The following BPTF variants were observed in gnomAD, a reference collection of about 807,000 sequenced individuals.
BPTF encodes nucleosome-remodeling factor subunit BPTF.
In BPTF, 18 loss-of-function variants were observed where a neutral mutation model predicts 292.5. The ratio of observed to expected loss-of-function variants is 0.06; its 90% CI spans 0.04 to 0.09. BPTF has a LOEUF of 0.09. BPTF is among the 10% of genes least tolerant of loss of function. The pLI, the probability that BPTF is intolerant of heterozygous loss-of-function variation, is 1.00. For synonymous variants in BPTF, 1,225 were observed against 1,251.9 expected (o/e 0.98, Z 0.45); for missense variants, 2,726 against 3,498.7 (o/e 0.78, Z 5.57).
chr17:67,950,720 G>A (rs190395033), intron 23 of BPTF, among the ~76,000 whole-genome samples: 1 of 151,442 alleles, frequency 6.6e-6, no homozygotes, highest in East Asian at 2.0e-4. Context: ...GGTGCCTGTA[G>A]TCCCAGCTAC....
chr17:67,892,158 C>G, intron 5 of BPTF, 124 bp downstream of exon 5: 1 of 773,514 alleles, frequency 1.3e-6, no homozygotes, highest in Non-Finnish European at 1.9e-6. Flanking sequence ...TATATTTTCT[C>G]TGTTTCCGAA....
chr17:67,895,630 T>A (rs1000945120), intron 7 of BPTF, among the ~76,000 whole-genome samples: 1 of 151,940 alleles, frequency 6.6e-6, no homozygotes, highest in Non-Finnish European at 1.5e-5. Context: ...GCCTGGCTAA[T>A]TTTTGTATTT....
At chr17:67,955,771 G>A (rs2066871638) in intron 23 of BPTF, 1 of 152,030 alleles carries the variant, frequency 6.6e-6, no homozygotes, top group Non-Finnish European at 1.5e-5. Flanking sequence ...AGATTGCAGT[G>A]AGCCGAGATG....
chr17:67,948,484 A>G (rs572923346), intron 23 of BPTF, among the ~76,000 whole-genome samples, 178 bp downstream of exon 23: 2 of 152,352 alleles, frequency 1.3e-5, no homozygotes, highest in African/African-American at 4.8e-5. Context: ...CAGAGCTTTT[A>G]TAACTAAATG....
chr17:67,843,754 C>CT (rs56335701), intron 1 of BPTF, among the ~76,000 whole-genome samples: 1,085 of 62,224 alleles, frequency 0.017, 183 homozygotes, highest in African/African-American at 0.036. Flanking sequence ...GAGCAGTTGT[C>CT]TTTTTTTTTT....
chr17:67,896,329 G>A (rs958160401), intron 7 of BPTF, among the ~76,000 whole-genome samples: 2 of 152,124 alleles, frequency 1.3e-5, no homozygotes, highest in Non-Finnish European at 2.9e-5. Context: ...AAACACACTG[G>A]AGCAACAAGT....
At chr17:67,922,809 T>C in intron 13 of BPTF, 31 bp from the exon 14 acceptor site, 1 of 1,570,764 alleles carries the variant, frequency 6.4e-7, no homozygotes, top group East Asian at 2.3e-5. Flanking sequence ...GAAGCAATAT[T>C]GCTTAAAATA....
intron 14 of BPTF, among the ~76,000 whole-genome samples, chr17:67,924,027 C>T (rs2063661609): frequency 1.3e-5 from 2 of 150,822 alleles, no homozygotes; most frequent in East Asian, 3.9e-4. Flanking sequence ...AAGACGGAGT[C>T]TCGCTCTGTC....
chr17:67,976,159 A>C, intron 27 of BPTF: 1 of 410,268 alleles, frequency 2.4e-6, no homozygotes, highest in Non-Finnish European at 4.1e-6. Context: ...TTGTTGATCT[A>C]CTTAAAGTCT....
At chr17:67,837,004 A>G (rs2057182564) in intron 1 of BPTF, among the ~76,000 whole-genome samples, 1 of 152,170 alleles carries the variant, frequency 6.6e-6, no homozygotes. Flanking sequence ...TAATTGCTTT[A>G]ATAGCATGAG....
At position 67,825,806 on chromosome 17, in the gene BPTF, C is replaced by T; in HGVS notation, c.82C>T (p.Pro28Ser). Residue 28 changes from proline to serine, a missense_variant, in exon 1 of 28, where the codon CCG (proline) becomes TCG (serine). This residue lies in a region of BPTF where 31 missense variants were observed against 53.6 expected (regional missense o/e 0.58). Coordinates refer to ENST00000306378, the MANE Select transcript of BPTF (RefSeq NM_182641.4). ...ERCAPAPPPP[P>S]PPPTSGPIGG... The stretch of plus-strand genomic sequence containing the variant: ...CTGCGCCCCGGCCCCGCCGCCACCG[C>T]CGCCGCCGCCCACGTCCGGACCCAT... 2 of 1,027,448 alleles carry T rather than the reference C, an allele frequency of 1.9e-6. No individual in the cohort carries two copies. Among genetic ancestry groups the T allele is most frequent in the Non-Finnish European group, 2.3e-6 (2 of 859,532 alleles). 63.6% of individuals were successfully genotyped at this position (1,027,448 alleles called of 1,614,324 possible).
At chr17:67,937,747 A>G (rs909803339) in intron 18 of BPTF, among the ~76,000 whole-genome samples, 2 of 146,714 alleles carry the variant, frequency 1.4e-5, no homozygotes, top group Non-Finnish European at 3.0e-5. Flanking sequence ...GTGGGTGGGT[A>G]TGGGTTGTGT....
At chr17:67,891,668 CT>C in intron 4 of BPTF, 175 bp from the exon 5 acceptor site, 1 of 418,276 alleles carries the variant, frequency 2.4e-6, no homozygotes, top group African/African-American at 2.0e-5. Flanking sequence ...AACATATTTT[CT>C]TTTAAGTAAA....
In BPTF at chr17:67,854,394, A is replaced by G; in HGVS notation, c.1068A>G (p.Pro356=). The G allele has an allele frequency of 6.2e-7, 1 of 1,614,244 alleles. No homozygotes were observed. Among genetic ancestry groups the G allele is most frequent in the Non-Finnish European group, 8.5e-7 (1 of 1,180,036 alleles). ...YQEAEDYPYG[P]VENKIKVLQF... The stretch of plus-strand genomic sequence containing the variant: ...AGGCAGAGGACTACCCATATGGACC[A>G]GTAGAGAACAAGATCAAAGTTCTAC... The change falls in exon 2 of 28, where the codon CCA becomes CCG. Residue 356 remains proline, a synonymous_variant. Coordinates refer to ENST00000306378, the MANE Select transcript of BPTF (RefSeq NM_182641.4). This position sits in a 1 kb window ranked among gnomAD's most constrained non-coding sequence, Gnocchi z 5.6.
At chr17:67,968,519 C>T (rs553895852) in intron 26 of BPTF, among the ~76,000 whole-genome samples, 1 of 151,568 alleles carries the variant, frequency 6.6e-6, no homozygotes, top group South Asian at 2.1e-4. Context: ...TGGCTCACGC[C>T]TGTAATACCA....
At chr17:67,964,018 A>AT (rs2067766824) in intron 24 of BPTF, among the ~76,000 whole-genome samples, 194 bp from the exon 25 acceptor site, 1 of 152,138 alleles carries the variant, frequency 6.6e-6, no homozygotes, top group South Asian at 2.1e-4. Flanking sequence ...GTTCTTATAA[A>AT]TTTTTTTACT....
intron 3 of BPTF, among the ~76,000 whole-genome samples, chr17:67,873,903 C>G (rs530836185): frequency 1.3e-5 from 2 of 152,136 alleles, no homozygotes; most frequent in Non-Finnish European, 2.9e-5. Flanking sequence ...AACAAAGGCT[C>G]CTTGGAGAGA....
At chr17:67,973,074 A>G (rs1365925785) in intron 26 of BPTF, among the ~76,000 whole-genome samples, 2 of 145,202 alleles carry the variant, frequency 1.4e-5, no homozygotes, top group African/African-American at 5.0e-5. Context: ...ATAAATATAT[A>G]TATAATATAT....
intron 1 of BPTF, among the ~76,000 whole-genome samples, chr17:67,840,047 T>G (rs1229441001): frequency 6.6e-6 from 1 of 152,100 alleles, no homozygotes; most frequent in Non-Finnish European, 1.5e-5. Context: ...CTGAGCCTCC[T>G]TTTATGTGCA....
Sources: allele counts gnomAD v4.1 joint callset (sites outside exome capture counted in the v4.1 genomes callset), GRCh38; gene constraint gnomAD v4.1.1; regional missense constraint gnomAD v4.1.1; non-coding constraint Gnocchi (gnomAD v3.1); transcripts MANE v1.5; gene names NCBI Gene and HGNC (gene_info 2026-07-23, HGNC 2026-07-21).